Variants in ADGRL1 observed in about 807,000 individuals in gnomAD.
ADGRL1 encodes the protein CIRL-1.
In ADGRL1, 31 loss-of-function variants were observed where a neutral mutation model predicts 148.9. The observed-to-expected ratio is 0.21, with a 90% CI of 0.16 to 0.28. ADGRL1 has a LOEUF of 0.28. ADGRL1 is among the 10% of genes least tolerant of loss of function. ADGRL1 has a pLI of 1.00. For synonymous variants in ADGRL1, 937 were observed against 900.3 expected, an observed-to-expected ratio of 1.04 and a Z score of -0.73; for missense variants, 1,521 against 2,058.8, an observed-to-expected ratio of 0.74 and a Z score of 5.05.
intron 18 of ADGRL1, among the ~76,000 whole-genome samples, chr19:14,154,577 A>C (rs1028999158): frequency 4.6e-5 from 7 of 152,072 alleles, no homozygotes; most frequent in Middle Eastern, 6.8e-3. Context: ...GGCATGAGCC[A>C]CTGCACCCAG....
Position 14,160,030 on chromosome 19 carries a change from G to A in ADGRL1, c.1800+82C>T. ...GGAGTGGAGGTGGCAGCCTGGCTGG[G>A]AGGTACCAGGTCAGGTACTTCCCAA... On this transcript the variant is annotated intron_variant, in intron 8 of 22. Transcript: ENST00000361434. This position sits in a 1 kb window ranked among gnomAD's most constrained non-coding sequence, Gnocchi z 5.9. The A allele has an allele frequency of 7.0e-7, 1 of 1,422,688 alleles. No individual in the cohort carries two copies. The highest frequency in any genetic ancestry group is 9.4e-7 in the Non-Finnish European group (1 of 1,058,738). The allele number at this position is 1,422,688 out of a possible 1,614,324, so 88.1% of individuals were successfully genotyped here.
intron 1 of ADGRL1, among the ~76,000 whole-genome samples, chr19:14,197,596 C>T (rs1256154537): frequency 6.6e-6 from 1 of 152,154 alleles, no homozygotes; most frequent in Non-Finnish European, 1.5e-5. Flanking sequence ...ACACACAGTT[C>T]CTTATTCTGC....
At chr19:14,156,053 C>A in intron 17 of ADGRL1, 57 bp downstream of exon 17, 1 of 1,370,722 alleles carries the variant, frequency 7.3e-7, no homozygotes, top group East Asian at 2.4e-5. Context: ...AAGAGGTGGG[C>A]CCAGCGTGGG....
intron 18 of ADGRL1, among the ~76,000 whole-genome samples, chr19:14,153,411 ATTTTTTTTTTT>A (rs36035971): frequency 8.9e-6 from 1 of 112,322 alleles, no homozygotes; most frequent in Non-Finnish European, 1.8e-5. Flanking sequence ...GCAGGTTGTG[ATTTTTTTTTTT>A]TTTTTTTTTT....
Position 14,160,020 on chromosome 19 carries a change from G to T in ADGRL1, c.1800+92C>A. 1 of 1,355,444 alleles carries T rather than the reference G, an allele frequency of 7.4e-7. No individual in the cohort carries two copies. Among genetic ancestry groups the T allele is most frequent in the Non-Finnish European group, 1.0e-6 (1 of 1,003,338 alleles). 84.0% of individuals were successfully genotyped at this position (1,355,444 alleles called of 1,614,324 possible). ...TCTGAGGAAAGGAGTGGAGGTGGCA[G>T]CCTGGCTGGGAGGTACCAGGTCAGG... On this transcript the variant is annotated intron_variant, in intron 8 of 22. Transcript: ENST00000361434. The surrounding 1 kb of genome is among the most constrained non-coding windows in gnomAD (Gnocchi z 5.9).
At chr19:14,173,698 G>A (rs541709587) in intron 3 of ADGRL1, among the ~76,000 whole-genome samples, 51 of 152,232 alleles carry the variant, frequency 3.4e-4, no homozygotes, top group African/African-American at 1.2e-3. Context: ...TATAATCCCA[G>A]CACTTTGGGA....
In ADGRL1 at chr19:14,151,193, C is replaced by G. The variant is rs775108815; in HGVS notation, c.4090G>C (p.Gly1364Arg). 6 of 1,610,736 alleles carry G rather than the reference C, an allele frequency of 3.7e-6. No individual in the cohort carries two copies. Among genetic ancestry groups the G allele is most frequent in the East Asian group, 2.2e-5 (1 of 44,848 alleles). Reference protein sequence around the residue: ...DESESCTAEDGATSRPLSSPP... With the variant: ...DESESCTAEDRATSRPLSSPP... ...GAGGAGAGGGGCCGGCTGGTGGCGCCGTCCTCGGCCGTGCAGCTCTCCGAC... is the reference window on the plus strand; with the variant it reads ...GAGGAGAGGGGCCGGCTGGTGGCGCGGTCCTCGGCCGTGCAGCTCTCCGAC... Residue 1364 changes from glycine to arginine, a missense_variant, in exon 23 of 23, where the codon GGC (glycine) becomes CGC (arginine). By Grantham distance (125) the Gly-to-Arg change is moderately radical (BLOSUM62 -2). Coordinates refer to ENST00000361434, the MANE Select transcript of ADGRL1 (RefSeq NM_014921.5).
intron 1 of ADGRL1, among the ~76,000 whole-genome samples, chr19:14,188,432 G>A (rs183710126): frequency 1.2e-4 from 19 of 152,218 alleles, no homozygotes; most frequent in Admixed American, 3.3e-4. Context: ...AGACTCCAGA[G>A]TGGACCCCCC....
intron 1 of ADGRL1, among the ~76,000 whole-genome samples, chr19:14,189,807 A>C (rs550508929): frequency 1.3e-5 from 2 of 152,352 alleles, no homozygotes; most frequent in South Asian, 4.1e-4. Flanking sequence ...ATGTGTTGTG[A>C]AGTGATTACC....
chr19:14,198,319 A>T (rs1972396554), intron 1 of ADGRL1, among the ~76,000 whole-genome samples: 1 of 152,010 alleles, frequency 6.6e-6, no homozygotes, highest in South Asian at 2.1e-4. Flanking sequence ...GCAGAGGTGG[A>T]GATCAGACTG....
chr19:14,156,499 A>T (rs1267842652), intron 16 of ADGRL1, among the ~76,000 whole-genome samples, 159 bp downstream of exon 16: 1 of 146,440 alleles, frequency 6.8e-6, no homozygotes, highest in Non-Finnish European at 1.5e-5. Context: ...TGGACCCAGC[A>T]CACTTTCATC....
chr19:14,161,953 G>A lies in ADGRL1; in HGVS notation c.1196-327C>T, dbSNP rs934595647. 1.3e-5 allele frequency among the ~76,000 whole-genome samples: 2 copies of A among 152,144 alleles called. No homozygotes were observed. Among genetic ancestry groups the A allele is most frequent in the Non-Finnish European group, 2.9e-5 (2 of 68,020 alleles). On this transcript the variant is annotated intron_variant, in intron 5 of 22. Coordinates refer to ENST00000361434, the MANE Select transcript of ADGRL1 (RefSeq NM_014921.5). The surrounding 1 kb of genome is among the most constrained non-coding windows in gnomAD (Gnocchi z 4.4). The stretch of plus-strand genomic sequence containing the variant: ...TCCCAGGTTGAGCCCGAGGGCAGGA[G>A]CCCTCCCCAATCCAGGTCAGCCCCG...
chr19:14,185,112 G>A (rs1484560962), intron 1 of ADGRL1, among the ~76,000 whole-genome samples: 1 of 151,788 alleles, frequency 6.6e-6, no homozygotes, highest in African/African-American at 2.4e-5. Context: ...GTTTCTTCCT[G>A]CCTTATGGCT....
At chr19:14,204,065 G>A (rs552456502) in intron 1 of ADGRL1, among the ~76,000 whole-genome samples, 1 of 152,262 alleles carries the variant, frequency 6.6e-6, no homozygotes, top group South Asian at 2.1e-4. Context: ...TGCCAGCCAT[G>A]GAATTAGTTC....
chr19:14,182,908 G>A lies in ADGRL1; in HGVS notation c.70+625C>T, dbSNP rs142004560. Among the ~76,000 whole-genome samples, 923 of 152,340 alleles carry A rather than the reference G, an allele frequency of 6.1e-3. 15 individuals are homozygous for A. The highest frequency in any genetic ancestry group is 0.021 in the African/African-American group (878 of 41,584). On this transcript the variant is annotated intron_variant, in intron 2 of 22. Coordinates refer to ENST00000361434, the MANE Select transcript of ADGRL1 (RefSeq NM_014921.5). Reference sequence around the variant, plus strand: ...CAATGCCCTTCATACAGGGATGTCGGGGTGGGCAGGGGGCACATCCCAGAG... The same window carrying A: ...CAATGCCCTTCATACAGGGATGTCGAGGTGGGCAGGGGGCACATCCCAGAG...
chr19:14,187,417 CCA>C (rs950371280), intron 1 of ADGRL1, among the ~76,000 whole-genome samples: 10 of 152,136 alleles, frequency 6.6e-5, no homozygotes, highest in Non-Finnish European at 7.4e-5. Context: ...GGTCCAGACC[CCA>C]GTCTCCTCAC....
At chr19:14,189,839 C>A (rs746012061) in intron 1 of ADGRL1, among the ~76,000 whole-genome samples, 5 of 152,366 alleles carry the variant, frequency 3.3e-5, no homozygotes, top group Admixed American at 6.5e-5. Context: ...AACAACACAT[C>A]CAACACCTCA....
At chr19:14,191,987 AAGCGCC>A (rs1408145842) in intron 1 of ADGRL1, among the ~76,000 whole-genome samples, 7 of 151,344 alleles carry the variant, frequency 4.6e-5, no homozygotes, top group African/African-American at 1.7e-4. Context: ...CATGAGCCAC[AAGCGCC>A]GGCCTCTCTC....
chr19:14,170,052 T>C (rs1256858569), intron 4 of ADGRL1: 1 of 152,288 alleles, frequency 6.6e-6, no homozygotes, highest in East Asian at 1.9e-4. Context: ...TGAGGAGCTA[T>C]GAATCTGTTG....
Sources: gnomAD v4.1 joint callset for allele counts (sites outside exome capture counted in the v4.1 genomes callset) on GRCh38, gnomAD v4.1.1 for gene constraint, Gnocchi (gnomAD v3.1) non-coding constraint, MANE v1.5 for transcripts, NCBI Gene and HGNC (gene_info 2026-07-23, HGNC 2026-07-21) for gene names.